Variants in FAM131A observed in about 807,000 individuals in gnomAD.
The protein encoded by FAM131A is family with sequence similarity 131 member A.
A neutral mutation model predicts 39.2 loss-of-function variants in FAM131A; 24 were observed. The observed-to-expected ratio is 0.61, with a 90% CI of 0.44 to 0.86. The LOEUF (loss-of-function observed/expected upper bound fraction) is 0.86. FAM131A is among the 40% of genes least tolerant of loss of function. FAM131A has a pLI of 0.00. For synonymous variants in FAM131A, 202 were observed against 206.8 expected (o/e 0.98, Z 0.20); for missense variants, 373 against 481.2 (o/e 0.78, Z 2.10).
chr3:184,345,645 C>A lies in FAM131A; in HGVS notation c.*675C>A. 1.4e-6 allele frequency: 1 copy of A among 691,334 alleles called. No homozygotes were observed. 42.8% of individuals were successfully genotyped at this position (691,334 alleles called of 1,614,324 possible). A position where few individuals can be genotyped will look rare whatever the true frequency, so the allele number is the denominator to read the frequency against. On this transcript the variant is annotated 3_prime_UTR_variant, in exon 6 of 6. Transcript: ENST00000383847. ...GCTTTGGAATGATGAAAGCATGTAC[C>A]CTCCACCCTTTTCCTGGCCCCCTAA...
At chr3:184,341,234 A>G (rs1254348819) in intron 2 of FAM131A, 11 of 192,740 alleles carry the variant, frequency 5.7e-5, no homozygotes, top group Non-Finnish European at 1.1e-4. Context: ...GGGTGATGCA[A>G]AGGAAAGAGG....
Position 184,338,561 on chromosome 3 carries a change from G to A in FAM131A, c.231+32G>A. ...GGCCCCTGGTGGTGGGGGGAAGGAG[G>A]ACGTCATCCATATAAAGGGGATCTG... On this transcript the variant is annotated intron_variant, in intron 2 of 5. Transcript: ENST00000383847. The A allele has an allele frequency of 1.3e-6, 2 of 1,534,178 alleles. 1 individual carries two copies. Among genetic ancestry groups the A allele is most frequent in the South Asian group, 2.4e-5 (2 of 83,702 alleles).
In FAM131A at chr3:184,344,883, C is replaced by T. The variant is rs767940819; in HGVS notation, c.1014C>T (p.Ser338=). ...CQPLCPPLTG[S]WERQRQASDL... Reference sequence around the variant, plus strand: ...CACTCTGCCCACCACTAACGGGCAGCTGGGAACGGCAGCGGCAAGCCTCTG... The same window carrying T: ...CACTCTGCCCACCACTAACGGGCAGTTGGGAACGGCAGCGGCAAGCCTCTG... Residue 338 remains serine, a synonymous_variant, in exon 6 of 6, where the codon AGC becomes AGT. Coordinates refer to ENST00000383847, the MANE Select transcript of FAM131A (RefSeq NM_144635.5). 8 of 1,610,280 alleles carry T rather than the reference C, an allele frequency of 5.0e-6. No homozygotes were observed. The highest frequency in any genetic ancestry group is 5.1e-6 in the Non-Finnish European group (6 of 1,179,820).
intron 3 of FAM131A, 31 bp downstream of exon 3, chr3:184,341,848 T>C: frequency 6.2e-7 from 1 of 1,611,102 alleles, no homozygotes. Context: ...TTCTGGCCAC[T>C]TTGTCCTTTC....
At chr3:184,341,476 T>G (rs1301518151) in intron 2 of FAM131A, 2 of 566,378 alleles carry the variant, frequency 3.5e-6, no homozygotes, top group African/African-American at 1.9e-5. Flanking sequence ...CTCTGGGTGC[T>G]GGGAAAGTGG....
At chr3:184,338,905 A>C in intron 2 of FAM131A, 1 of 197,156 alleles carries the variant, frequency 5.1e-6, no homozygotes. Context: ...GCAAGCTAAG[A>C]AACACCCAGC....
intron 5 of FAM131A, 149 bp from the exon 6 acceptor site, chr3:184,344,346 G>A (rs1727517756): frequency 1.4e-5 from 9 of 649,668 alleles, no homozygotes; most frequent in Non-Finnish European, 2.1e-5. Context: ...GGACACTGAG[G>A]TCTCAAAAAG....
rs1452022571 is a variant in FAM131A at position 184,341,813 on chromosome 3, G to A, written c.321G>A (p.Leu107=). ...TCGCTGCGCTGGCCAGGTCCTCCCT[G>A]CATGGTATGCAGCCCCTCCCATGTT... ...QEIAALARSS[L]HGISQVVKDH... The change falls in exon 3 of 6, where the codon CTG becomes CTA. Residue 107 remains leucine, a synonymous_variant. Transcript: ENST00000383847. 3 of 1,614,028 alleles carry A rather than the reference G, an allele frequency of 1.9e-6. No individual in the cohort carries two copies. Among genetic ancestry groups the A allele is most frequent in the African/African-American group, 2.7e-5 (2 of 74,928 alleles).
intron 5 of FAM131A, among the ~76,000 whole-genome samples, chr3:184,343,610 C>T (rs565640895): frequency 2.0e-5 from 3 of 152,362 alleles, no homozygotes; most frequent in African/African-American, 7.2e-5. Flanking sequence ...GCAGGCAATA[C>T]ATGAGAGCAG....
At position 184,344,897 on chromosome 3, in the gene FAM131A, G is replaced by A. The variant is rs559476814; in HGVS notation, c.1028G>A (p.Arg343Gln). The A allele has an allele frequency of 9.3e-6, 15 of 1,608,672 alleles. No individual in the cohort carries two copies. The highest frequency in any genetic ancestry group is 8.8e-5 in the South Asian group (8 of 90,994). The change falls in exon 6 of 6, where the codon CGG (arginine) becomes CAG (glutamine). Residue 343 changes from arginine (R) to glutamine (Q), a missense_variant. This residue lies in a region of FAM131A where 152 missense variants were observed against 133.5 expected (regional missense o/e 1.14). Coordinates refer to ENST00000383847, the MANE Select transcript of FAM131A (RefSeq NM_144635.5). ...PPLTGSWERQ[R>Q]QASDLASSGV... ...CTAACGGGCAGCTGGGAACGGCAGC[G>A]GCAAGCCTCTGACCTGGCCTCTTCT...
At chr3:184,338,236 G>A in intron 1 of FAM131A, 151 bp from the exon 2 acceptor site, 1 of 780,322 alleles carries the variant, frequency 1.3e-6, no homozygotes, top group Non-Finnish European at 1.9e-6. Flanking sequence ...GTGTGGGATG[G>A]GGGCTTTTAG....
In FAM131A at chr3:184,342,036, C is replaced by T; in HGVS notation, c.326-30C>T. The T allele has an allele frequency of 6.2e-7, 1 of 1,614,028 alleles. No homozygotes were observed. Among genetic ancestry groups the T allele is most frequent in the South Asian group, 1.1e-5 (1 of 91,088 alleles). On this transcript the variant is annotated intron_variant, in intron 3 of 5. Transcript: ENST00000383847. The surrounding 1 kb of genome is among the most constrained non-coding windows in gnomAD (Gnocchi z 4.6). ...CTGTGCTCCCTGGCCTGGTCCTTTA[C>T]CAGGCTTCTCCACCCTCCCCTATCT...
chr3:184,337,555 C>A, upstream of FAM131A: 1 of 1,409,040 alleles, frequency 7.1e-7, no homozygotes, highest in Non-Finnish European at 9.7e-7. Context: ...GCATCCGGAG[C>A]CAAAACAGGA....
chr3:184,341,588 C>T, intron 2 of FAM131A, 136 bp from the exon 3 acceptor site: 1 of 675,712 alleles, frequency 1.5e-6, no homozygotes, highest in South Asian at 1.8e-5. Flanking sequence ...CTTACATTTC[C>T]CTGTAGCCAC....
At position 184,346,192 on chromosome 3, in the gene FAM131A, T is replaced by C; in HGVS notation, c.*1222T>C. The C allele has an allele frequency of 4.3e-6, 1 of 232,916 alleles. No homozygotes were observed. The highest frequency in any genetic ancestry group is 6.3e-5 in the South Asian group (1 of 15,968). 14.4% of individuals were successfully genotyped at this position (232,916 alleles called of 1,614,324 possible). A position where few individuals can be genotyped will look rare whatever the true frequency, so the allele number is the denominator to read the frequency against. On this transcript the variant is annotated 3_prime_UTR_variant, in exon 6 of 6. Coordinates refer to ENST00000383847, the MANE Select transcript of FAM131A (RefSeq NM_144635.5). This position sits in a 1 kb window ranked among gnomAD's most constrained non-coding sequence, Gnocchi z 6.0. ...AGCCAACGGGCACAAGCATTCTATA[T>C]ATAAGTGGCTCATTAGGTGTTTATT... is the stretch of plus-strand genomic sequence containing the variant.
intron 2 of FAM131A, 45 bp from the exon 3 acceptor site, chr3:184,341,679 C>A (rs375404910): frequency 2.1e-5 from 33 of 1,543,832 alleles, no homozygotes; most frequent in East Asian, 1.4e-4. Flanking sequence ...GGGGGAAGGT[C>A]ATTGCTGTCA....
intron 2 of FAM131A, 34 bp downstream of exon 2, chr3:184,338,563 C>T (rs1338788202): frequency 1.3e-6 from 2 of 1,533,464 alleles, no homozygotes; most frequent in African/African-American, 1.4e-5. Flanking sequence ...GGAAGGAGGA[C>T]GTCATCCATA....
chr3:184,345,804 C>T lies in FAM131A; in HGVS notation c.*834C>T, dbSNP rs1577295121. The T allele has an allele frequency of 1.8e-6, 1 of 568,934 alleles. No homozygotes were observed. Among genetic ancestry groups the T allele is most frequent in the Non-Finnish European group, 3.1e-6 (1 of 323,962 alleles). 35.2% of individuals were successfully genotyped at this position (568,934 alleles called of 1,614,324 possible). A position where few individuals can be genotyped will look rare whatever the true frequency, so the allele number is the denominator to read the frequency against. ...GAAGAAAGGATGGCTCTGGTTGCCA[C>T]AGAGCTGGGACTTCATGTTCTTCTA... is the stretch of plus-strand genomic sequence containing the variant. On this transcript the variant is annotated 3_prime_UTR_variant, in exon 6 of 6. Transcript: ENST00000383847.
Position 184,342,103 on chromosome 3 carries a change from T to A in FAM131A, c.363T>A (p.Pro121=). 6.2e-7 allele frequency: 1 copy of A among 1,614,208 alleles called. No homozygotes were observed. ...TGGTGAAGGACCACGTGACCAAGCC[T>A]ACCGCCATGGCCCAGGGCCGAGTGG... is the stretch of plus-strand genomic sequence containing the variant. ...SQVVKDHVTK[P]TAMAQGRVAH... The change falls in exon 4 of 6, where the codon CCT becomes CCA. Residue 121 remains proline (P), a synonymous_variant. Coordinates refer to ENST00000383847, the MANE Select transcript of FAM131A (RefSeq NM_144635.5). The surrounding 1 kb of genome is among the most constrained non-coding windows in gnomAD (Gnocchi z 4.6).
Sources: allele counts gnomAD v4.1 joint callset (sites outside exome capture counted in the v4.1 genomes callset), GRCh38; gene constraint gnomAD v4.1.1; regional missense constraint gnomAD v4.1.1; non-coding constraint Gnocchi (gnomAD v3.1); transcripts MANE v1.5; gene names NCBI Gene and HGNC (gene_info 2026-07-23, HGNC 2026-07-21).